INTS6: variants seen among roughly 807,000 people sequenced by gnomAD.
INTS6 encodes the protein integrator complex subunit 6, also known as DEAD box protein.
INTS6 carries 16 observed loss-of-function variants against 104.9 expected under a neutral mutation model. The ratio of observed to expected loss-of-function variants is 0.15; its 90% CI spans 0.10 to 0.23. The LOEUF is 0.23. Ranked by LOEUF, INTS6 falls within the 10% of genes least tolerant of loss-of-function variation. The pLI is 1.00. For synonymous variants in INTS6, 324 were observed against 358.7 expected (o/e 0.90, Z 1.09); for missense variants, 584 against 1,062.8 (o/e 0.55, Z 6.26).
At chr13:51,397,488 G>A (rs142242650) in intron 4 of INTS6, among the ~76,000 whole-genome samples, 12 of 152,302 alleles carry the variant, frequency 7.9e-5, no homozygotes, top group African/African-American at 2.6e-4. Context: ...GCATATTCTC[G>A]AGGAAGGTTT....
chr13:51,437,401 G>C (rs1952711028), intron 3 of INTS6: 1 of 151,572 alleles, frequency 6.6e-6, no homozygotes, highest in Non-Finnish European at 1.5e-5. Context: ...CAAAGAAGCA[G>C]ATAAAACCAT....
chr13:51,452,811 C>G lies in INTS6; in HGVS notation c.-286G>C. 8.5e-7 allele frequency: 1 copy of G among 1,179,174 alleles called. No individual in the cohort carries two copies. Among genetic ancestry groups the G allele is most frequent in the African/African-American group, 1.6e-5 (1 of 60,916 alleles). The allele number at this position is 1,179,174 out of a possible 1,614,324, so 73.0% of individuals were successfully genotyped here. A position where few individuals can be genotyped will look rare whatever the true frequency, so the allele number is the denominator to read the frequency against. The stretch of plus-strand genomic sequence containing the variant: ...CCGTCTGTCTGTCGGTTCGTCCCCC[C>G]CGCCTCGGGGGTCCCGTCCCCGCTC... On this transcript the variant is annotated 5_prime_UTR_variant, in exon 1 of 18. Coordinates refer to ENST00000311234, the MANE Select transcript of INTS6 (RefSeq NM_012141.3). The surrounding 1 kb of genome is among the most constrained non-coding windows in gnomAD (Gnocchi z 4.2).
At chr13:51,361,235 A>G (rs565183496), downstream of INTS6, 35 of 1,293,536 alleles carry the variant, frequency 2.7e-5, no homozygotes, top group African/African-American at 4.1e-4. Flanking sequence ...TGTTAGAAAA[A>G]TGTTAATGAG....
At chr13:51,448,703 A>G (rs1018710230) in intron 3 of INTS6, 4 of 152,198 alleles carry the variant, frequency 2.6e-5, no homozygotes, top group Admixed American at 6.5e-5. Context: ...ACATTTAAGA[A>G]AGTAATTCAG....
intron 4 of INTS6, among the ~76,000 whole-genome samples, chr13:51,395,714 T>C (rs1956323441): frequency 6.6e-6 from 1 of 152,264 alleles, no homozygotes; most frequent in Non-Finnish European, 1.5e-5. Flanking sequence ...ATTGTTGGAA[T>C]GAATTTCAGA....
intron 6 of INTS6, among the ~76,000 whole-genome samples, chr13:51,388,371 T>G (rs1309096080): frequency 2.0e-5 from 3 of 149,896 alleles, no homozygotes; most frequent in East Asian, 4.1e-4. Context: ...TGTGTGTGTT[T>G]TGTTTTTTTT....
the INTS6 span, chr13:51,341,435 T>G: frequency 1.8e-5 from 22 of 1,252,966 alleles, no homozygotes; most frequent in East Asian, 2.5e-5. Flanking sequence ...ACACTCACAC[T>G]CACTCTCTCC....
chr13:51,375,766 T>TGTGTGTGCGC (rs1003965942), intron 13 of INTS6, among the ~76,000 whole-genome samples: 3 of 147,222 alleles, frequency 2.0e-5, no homozygotes, highest in African/African-American at 7.5e-5. Flanking sequence ...TGTGTGTGTG[T>TGTGTGTGCGC]GCGCGCGCGT....
At chr13:51,391,770 T>C (rs1956249483) in intron 5 of INTS6, among the ~76,000 whole-genome samples, 1 of 152,232 alleles carries the variant, frequency 6.6e-6, no homozygotes, top group South Asian at 2.1e-4. Flanking sequence ...CATTTCTAAG[T>C]TGGTCAATAG....
intron 15 of INTS6, among the ~76,000 whole-genome samples, chr13:51,370,973 A>G (rs1955792003): frequency 2.0e-5 from 3 of 152,152 alleles, no homozygotes; most frequent in Non-Finnish European, 2.9e-5. Context: ...TGCTTCAGTT[A>G]TTGCTATCAA....
rs369268547 is a variant in INTS6, at chr13:51,356,299, T to C, written n.431-1963A>G. The stretch of plus-strand genomic sequence containing the variant: ...TGACTCAAACAGAAACTTTCCTTAC[T>C]GACACAGGCATAATCTGACATTTCA... On this transcript the variant is annotated intron_variant and non_coding_transcript_variant, in intron 3 of 3. Transcript: ENST00000476666. Among the ~76,000 whole-genome samples, 5 of 152,128 alleles carry C rather than the reference T, an allele frequency of 3.3e-5. No homozygotes were observed. In the East Asian group the frequency reaches 5.8e-4, roughly 18 times the overall value.
At chr13:51,360,871 C>T (rs567648764), downstream of INTS6, among the ~76,000 whole-genome samples, 7 of 152,008 alleles carry the variant, frequency 4.6e-5, no homozygotes, top group South Asian at 4.1e-4. Context: ...AAATGATTCC[C>T]GGGCTACAGA....
intron 3 of INTS6, chr13:51,446,106 G>A (rs1335196929): frequency 2.0e-5 from 3 of 152,080 alleles, no homozygotes; most frequent in African/African-American, 7.2e-5. Flanking sequence ...TTTGTGCACT[G>A]AAGAAACAAC....
downstream of INTS6, among the ~76,000 whole-genome samples, chr13:51,351,679 C>T (rs756752464): frequency 7.9e-5 from 12 of 152,100 alleles, no homozygotes; most frequent in Non-Finnish European, 1.3e-4. Context: ...CTTGCGCTTT[C>T]GATGCCATAT....
At chr13:51,426,564 AC>A (rs145954139) in intron 4 of INTS6, among the ~76,000 whole-genome samples, 3,660 of 152,112 alleles carry the variant, frequency 0.024, 58 homozygotes, top group South Asian at 0.059. Context: ...TAGTACTCCC[AC>A]ACACTTAGTA....
chr13:51,428,259 CTAT>C (rs1324196258), intron 4 of INTS6, among the ~76,000 whole-genome samples: 1 of 151,372 alleles, frequency 6.6e-6, no homozygotes. Context: ...AAGCTGTTAA[CTAT>C]TATGTGTCCT....
intron 4 of INTS6, among the ~76,000 whole-genome samples, chr13:51,428,155 A>G (rs923707673): frequency 2.6e-5 from 4 of 152,186 alleles, no homozygotes; most frequent in Non-Finnish European, 4.4e-5. Context: ...TTTACAACAG[A>G]AAACAGAAAT....
At chr13:51,359,552 C>A (rs796134058), downstream of INTS6, among the ~76,000 whole-genome samples, 8 of 152,196 alleles carry the variant, frequency 5.3e-5, no homozygotes, top group African/African-American at 1.7e-4. Context: ...CTGAAATAGC[C>A]TGGCCCATCT....
chr13:51,429,845 C>T (rs912660877), intron 4 of INTS6, among the ~76,000 whole-genome samples: 2 of 137,680 alleles, frequency 1.5e-5, no homozygotes, highest in African/African-American at 5.5e-5. Flanking sequence ...ACAAAAATGT[C>T]GAAAAACCTT....
Sources: gnomAD v4.1 joint callset for allele counts (sites outside exome capture counted in the v4.1 genomes callset) on GRCh38, gnomAD v4.1.1 for gene constraint, Gnocchi (gnomAD v3.1) non-coding constraint, MANE v1.5 for transcripts, NCBI Gene and HGNC (gene_info 2026-07-23, HGNC 2026-07-21) for gene names.